The following LARS2 variants were observed in gnomAD, a reference collection of about 807,000 sequenced individuals.
LARS2 encodes the protein leucine--tRNA ligase, mitochondrial.
Under a neutral mutation model 116.6 loss-of-function variants are expected in LARS2, and 81 were observed. The observed-to-expected ratio is 0.69, with a 90% CI of 0.58 to 0.84. The LOEUF is 0.84. LARS2 is among the 40% of genes least tolerant of loss of function. The probability of loss-of-function intolerance (pLI) is 0.00; values close to 1 mark genes in which losing one functional copy is unlikely to be tolerated. For missense variants in LARS2, 968 were observed against 1,114.5 expected, an observed-to-expected ratio of 0.87 and a Z score of 1.87; for synonymous variants, 396 against 407.2, an observed-to-expected ratio of 0.97 and a Z score of 0.33.
intron 3 of LARS2, among the ~76,000 whole-genome samples, chr3:45,397,972 G>C (rs1262766723): frequency 6.6e-6 from 1 of 152,212 alleles, no homozygotes; most frequent in Non-Finnish European, 1.5e-5. Flanking sequence ...TTTCCTAAGA[G>C]TTATAAATCT....
intron 3 of LARS2, among the ~76,000 whole-genome samples, chr3:45,398,132 C>T (rs1229583497): frequency 6.6e-6 from 1 of 152,208 alleles, no homozygotes; most frequent in Non-Finnish European, 1.5e-5. Flanking sequence ...CCATCTCTTC[C>T]TTCAGGCAGC....
At chr3:45,411,217 G>A (rs570181314) in intron 4 of LARS2, among the ~76,000 whole-genome samples, 6 of 152,270 alleles carry the variant, frequency 3.9e-5, no homozygotes, top group South Asian at 2.1e-4. Flanking sequence ...AGTTGCAGCC[G>A]AGGCCCTGAC....
intron 8 of LARS2, among the ~76,000 whole-genome samples, chr3:45,463,157 A>T (rs1559477306): frequency 6.6e-6 from 1 of 152,214 alleles, no homozygotes; most frequent in Non-Finnish European, 1.5e-5. Context: ...GGAATGCCTC[A>T]GTCCTGGCAG....
chr3:45,419,691 C>T lies in LARS2; in HGVS notation c.478C>T (p.Gln160Ter), dbSNP rs752015037. ...CAGTAATATTAAACACATGAGGAAACAGCTTGATCGTCTGGGCCTGTGTTT... is the reference window on the plus strand; with the variant it reads ...CAGTAATATTAAACACATGAGGAAATAGCTTGATCGTCTGGGCCTGTGTTT... ...TQSNIKHMRK[Q>*]LDRLGLCFSW... Residue 160 changes from glutamine (Q) to a stop codon, truncating the protein, a stop_gained, in exon 6 of 22, where the codon CAG becomes TAG. Coordinates refer to ENST00000645846, the MANE Select transcript of LARS2 (RefSeq NM_015340.4). LOFTEE classifies it high-confidence loss of function. The T allele has an allele frequency of 1.1e-5, 18 of 1,613,926 alleles. No individual in the cohort carries two copies. The highest frequency in any genetic ancestry group is 1.4e-5 in the Non-Finnish European group (16 of 1,179,844).
At chr3:45,524,437 G>A (rs1186323817) in intron 20 of LARS2, among the ~76,000 whole-genome samples, 1 of 152,170 alleles carries the variant, frequency 6.6e-6, no homozygotes, top group East Asian at 1.9e-4. Context: ...AAAAACTCAT[G>A]TTTAATACCA....
At chr3:45,453,724 G>A (rs181034883) in intron 7 of LARS2, among the ~76,000 whole-genome samples, 162 of 152,242 alleles carry the variant, frequency 1.1e-3, no homozygotes, top group Middle Eastern at 3.4e-3. Context: ...CCTATGTGAT[G>A]TTGCTTAGTT....
chr3:45,540,738 A>ATCTG (rs1559501772), intron 20 of LARS2, among the ~76,000 whole-genome samples: 1 of 75,100 alleles, frequency 1.3e-5, no homozygotes, highest in East Asian at 4.1e-4. Flanking sequence ...GCTTGCATGT[A>ATCTG]TCTATCTGTC....
chr3:45,488,235 C>A (rs925842537), intron 11 of LARS2, among the ~76,000 whole-genome samples: 17 of 152,090 alleles, frequency 1.1e-4, no homozygotes, highest in African/African-American at 4.1e-4. Flanking sequence ...GAGTTTGAGA[C>A]CAGTCTGGTC....
At chr3:45,436,185 T>C (rs1446894519) in intron 6 of LARS2, among the ~76,000 whole-genome samples, 1 of 152,142 alleles carries the variant, frequency 6.6e-6, no homozygotes, top group African/African-American at 2.4e-5. Flanking sequence ...ATGATTGATA[T>C]TTCCTCTTCC....
intron 10 of LARS2, among the ~76,000 whole-genome samples, chr3:45,482,818 C>T (rs1413498859): frequency 6.6e-6 from 1 of 152,186 alleles, no homozygotes; most frequent in African/African-American, 2.4e-5. Context: ...TGTGAAAAGT[C>T]TACTTTGTGA....
chr3:45,536,569 C>T (rs1476646506), intron 20 of LARS2, among the ~76,000 whole-genome samples: 3 of 152,230 alleles, frequency 2.0e-5, no homozygotes, highest in Non-Finnish European at 2.9e-5. Context: ...GTCCTCAGGG[C>T]ACTGCTCCTG....
At chr3:45,406,609 G>T (rs1306574787) in intron 4 of LARS2, among the ~76,000 whole-genome samples, 2 of 152,200 alleles carry the variant, frequency 1.3e-5, no homozygotes, top group Non-Finnish European at 2.9e-5. Flanking sequence ...AGTCAAAGCG[G>T]TGATGGTGTC....
intron 2 of LARS2, among the ~76,000 whole-genome samples, chr3:45,393,087 T>TCCA (rs1697983167): frequency 6.6e-6 from 1 of 152,204 alleles, no homozygotes; most frequent in African/African-American, 2.4e-5. Context: ...TATTTACCTG[T>TCCA]GGAAGAAGCC....
intron 7 of LARS2, among the ~76,000 whole-genome samples, chr3:45,454,630 A>G (rs1205999634): frequency 2.0e-5 from 3 of 152,244 alleles, no homozygotes; most frequent in Admixed American, 6.5e-5. Flanking sequence ...ACAAAGGAAC[A>G]TGGAATTGGC....
chr3:45,485,748 G>A lies in LARS2; in HGVS notation c.1075G>A (p.Val359Ile), dbSNP rs575202634. 53 of 1,611,746 alleles carry A rather than the reference G, an allele frequency of 3.3e-5. No homozygotes were observed. The highest frequency in any genetic ancestry group is 1.6e-4 in the Middle Eastern group (1 of 6,078). The change falls in exon 11 of 22, where the codon GTT (valine) becomes ATT (isoleucine). Residue 359 changes from valine to isoleucine, a missense_variant. By Grantham distance (29) the Val-to-Ile change is conservative. Transcript: ENST00000645846. ...NMLTQQEVPV[V>I]ILAKADLEGS... ...GCTTACCCAGCAGGAGGTCCCTGTC[G>A]TTATTTTGGCCAAAGCTGACTTGGA... is the stretch of plus-strand genomic sequence containing the variant.
chr3:45,450,932 T>C (rs911407623), intron 7 of LARS2, among the ~76,000 whole-genome samples: 1 of 152,228 alleles, frequency 6.6e-6, no homozygotes. Flanking sequence ...ACTTCCCTGA[T>C]GATTAATGAT....
At chr3:45,488,669 A>G (rs1247681912) in intron 11 of LARS2, 28 bp from the exon 12 acceptor site, 1 of 1,397,172 alleles carries the variant, frequency 7.2e-7, no homozygotes, top group African/African-American at 1.4e-5. Context: ...TGTGAAGGAA[A>G]TGTTTTCTTT....
At chr3:45,515,287 A>G (rs754972977) in intron 16 of LARS2, among the ~76,000 whole-genome samples, 2 of 151,960 alleles carry the variant, frequency 1.3e-5, no homozygotes, top group Non-Finnish European at 2.9e-5. Context: ...CCTCTCCCCA[A>G]TTTCAATTTA....
At chr3:45,423,855 A>G (rs538312008) in intron 6 of LARS2, among the ~76,000 whole-genome samples, 3 of 152,308 alleles carry the variant, frequency 2.0e-5, no homozygotes, top group South Asian at 2.1e-4. Flanking sequence ...TTCACCTACA[A>G]ACAGCAACTT....
Sources: allele counts gnomAD v4.1 joint callset (sites outside exome capture counted in the v4.1 genomes callset), GRCh38; gene constraint gnomAD v4.1.1; transcripts MANE v1.5; gene names NCBI Gene and HGNC (gene_info 2026-07-23, HGNC 2026-07-21).